Variants in EMSY observed in about 807,000 individuals in gnomAD.
EMSY encodes EMSY transcriptional repressor, BRCA2 interacting.
EMSY carries 26 observed loss-of-function variants against 134.6 expected under a neutral mutation model. The ratio of observed to expected loss-of-function variants is 0.19; its 90% CI spans 0.14 to 0.27. EMSY has a LOEUF of 0.27. EMSY is among the 10% of genes least tolerant of loss of function. The pLI is 1.00. For missense variants in EMSY, 1,305 were observed against 1,611.4 expected, an observed-to-expected ratio of 0.81 and a Z score of 3.26; for synonymous variants, 579 against 577.8, an observed-to-expected ratio of 1.00 and a Z score of -0.03.
chr11:76,516,163 G>C (rs375229208), exon 11 of EMSY: 1 of 1,613,332 alleles, frequency 6.2e-7, no homozygotes, highest in South Asian at 1.1e-5. Flanking sequence ...ACCTATACCC[G>C]GCCAACAGTG....
chr11:76,533,404 T>C (rs1364037709), intron 14 of EMSY, among the ~76,000 whole-genome samples: 3 of 152,184 alleles, frequency 2.0e-5, no homozygotes, highest in Non-Finnish European at 2.9e-5. Context: ...AAGACCTGTT[T>C]CTACTCAATA....
At chr11:76,515,111 A>G (rs1185184723) in intron 10 of EMSY, among the ~76,000 whole-genome samples, 3 of 150,436 alleles carry the variant, frequency 2.0e-5, no homozygotes, top group Non-Finnish European at 4.4e-5. Context: ...CTTATAACCA[A>G]TATAAACTAA....
chr11:76,535,644 A>G (rs1163830134), intron 14 of EMSY, among the ~76,000 whole-genome samples: 1 of 152,090 alleles, frequency 6.6e-6, no homozygotes, highest in East Asian at 1.9e-4. Context: ...TATATCTTCA[A>G]TGCCATATCT....
At chr11:76,531,751 G>A (rs1303185573) in intron 14 of EMSY, among the ~76,000 whole-genome samples, 3 of 152,064 alleles carry the variant, frequency 2.0e-5, no homozygotes, top group African/African-American at 4.8e-5. Context: ...ATGATTTTCC[G>A]AAGTTCATTA....
At chr11:76,491,181 T>C (rs997895957) in intron 8 of EMSY, among the ~76,000 whole-genome samples, 8 of 147,478 alleles carry the variant, frequency 5.4e-5, no homozygotes, top group East Asian at 1.9e-4. Flanking sequence ...TTTTTTCTTT[T>C]TTTTTTTTTT....
intron 19 of EMSY, 160 bp downstream of exon 20, chr11:76,544,982 C>A: frequency 1.3e-6 from 1 of 772,048 alleles, no homozygotes; most frequent in Non-Finnish European, 2.0e-6. Context: ...AGAAGGTTGA[C>A]ATTAGGGAAG....
chr11:76,506,668 A>G (rs1037662195), intron 9 of EMSY, among the ~76,000 whole-genome samples: 1 of 152,042 alleles, frequency 6.6e-6, no homozygotes, highest in African/African-American at 2.4e-5. Context: ...GATAACATCC[A>G]CCCGCCCCTA....
At chr11:76,469,512 G>A (rs1439525891) in intron 7 of EMSY, among the ~76,000 whole-genome samples, 2 of 152,202 alleles carry the variant, frequency 1.3e-5, no homozygotes, top group African/African-American at 4.8e-5. Context: ...TGCATTTTCA[G>A]ATTGATTTGA....
chr11:76,467,110 C>T (rs1439606394), intron 7 of EMSY, among the ~76,000 whole-genome samples: 1 of 152,106 alleles, frequency 6.6e-6, no homozygotes, highest in Non-Finnish European at 1.5e-5. Flanking sequence ...AAGTTTTATA[C>T]TGAGGATAAT....
intron 13 of EMSY, among the ~76,000 whole-genome samples, chr11:76,528,055 C>T (rs1950905848): frequency 1.3e-5 from 2 of 152,090 alleles, no homozygotes; most frequent in Non-Finnish European, 2.9e-5. Flanking sequence ...GGCTATTGCA[C>T]TCTGGCATGT....
chr11:76,474,854 C>T lies in EMSY; in HGVS notation c.1108+2014C>T, dbSNP rs540029451. On this transcript the variant is annotated intron_variant, in intron 8 of 20. Transcript: ENST00000334736. ...TCTTGGCTTCCTGCAACCTCCGCCT[C>T]CCGGGTTCAAGCAATTCTCCTGCCC... Among the ~76,000 whole-genome samples the T allele has an allele frequency of 3.9e-5, 6 of 152,278 alleles. No homozygotes were observed. In the East Asian group the frequency reaches 1.2e-3, roughly 29 times the overall value.
At chr11:76,469,002 G>T (rs762855511) in intron 7 of EMSY, among the ~76,000 whole-genome samples, 1 of 152,192 alleles carries the variant, frequency 6.6e-6, no homozygotes, top group Admixed American at 6.5e-5. Context: ...GTACAAGTAG[G>T]TTTCCTCCAA....
chr11:76,457,412 C>G (rs1248305825), intron 4 of EMSY, among the ~76,000 whole-genome samples: 3 of 152,178 alleles, frequency 2.0e-5, no homozygotes, highest in African/African-American at 7.2e-5. Context: ...ATTTCAACCT[C>G]TGGTTGGATT....
At chr11:76,498,630 G>T (rs1039761383) in intron 9 of EMSY, among the ~76,000 whole-genome samples, 5 of 151,790 alleles carry the variant, frequency 3.3e-5, no homozygotes, top group African/African-American at 4.8e-5. Flanking sequence ...TATAAAGGCT[G>T]ATTTTAAAAA....
intron 3 of EMSY, 83 bp from the exon 4 acceptor site, chr11:76,453,231 A>G (rs933620962): frequency 1.5e-5 from 20 of 1,311,814 alleles, no homozygotes; most frequent in African/African-American, 2.9e-5. Context: ...TCTCCCCCCA[A>G]AAATGTTGAC....
chr11:76,494,691 C>A, intron 8 of EMSY, among the ~76,000 whole-genome samples: 1 of 112,600 alleles, frequency 8.9e-6, no homozygotes, highest in South Asian at 3.8e-4. Context: ...TCCTTCCTTC[C>A]TTCCTTCCTT....
At chr11:76,496,238 A>G in exon 9 of EMSY, 1 of 1,613,998 alleles carries the variant, frequency 6.2e-7, no homozygotes. Flanking sequence ...AGCAATCAAA[A>G]TGGCATCAAC....
intron 2 of EMSY, among the ~76,000 whole-genome samples, chr11:76,450,125 C>T (rs1378842618): frequency 2.0e-5 from 3 of 150,736 alleles, no homozygotes; most frequent in South Asian, 2.1e-4. Flanking sequence ...TCTGCTTCTA[C>T]GCTAGATGAT....
At chr11:76,511,072 C>T (rs1197021484) in intron 9 of EMSY, among the ~76,000 whole-genome samples, 2 of 152,094 alleles carry the variant, frequency 1.3e-5, no homozygotes, top group Non-Finnish European at 1.5e-5. Flanking sequence ...CCGATGCCGC[C>T]GTGCCAGATA....
Sources: gnomAD v4.1 joint callset for allele counts (sites outside exome capture counted in the v4.1 genomes callset) on GRCh38, gnomAD v4.1.1 for gene constraint, MANE v1.5 for transcripts, NCBI Gene and HGNC (gene_info 2026-07-23, HGNC 2026-07-21) for gene names.